KMT5A: variants seen among roughly 807,000 people sequenced by gnomAD.
KMT5A encodes the protein lysine methyltransferase 5A.
In KMT5A, 6 loss-of-function variants were observed where a neutral mutation model predicts 40.6. The ratio of observed to expected loss-of-function variants is 0.15; its 90% CI spans 0.08 to 0.29. KMT5A has a LOEUF of 0.29. Among genes scored for constraint, KMT5A ranks in the 10% least tolerant of loss-of-function variants. The pLI is 1.00. For missense variants in KMT5A, 308 were observed against 459.1 expected (o/e 0.67, Z 3.01); for synonymous variants, 153 against 178.8 (o/e 0.86, Z 1.15).
chr12:123,390,763 C>T lies in KMT5A; in HGVS notation c.266C>T (p.Ala89Val), dbSNP rs1458123662. The T allele has an allele frequency of 6.2e-7, 1 of 1,613,930 alleles. No homozygotes were observed. Among genetic ancestry groups the T allele is most frequent in the Non-Finnish European group, 8.5e-7 (1 of 1,179,836 alleles). ...HEVKCQGKPL[A>V]GIYRKREEKR... is the part of the protein sequence containing the mutation. ...GTCAAATGCCAGGGGAAACCATTAG[C>T]CGGAATCTACAGGAAACGAGAAGGT... The change falls in exon 3 of 8, where the codon GCC becomes GTC. Residue 89 changes from alanine (A) to valine (V), a missense_variant. Transcript: ENST00000402868.
At chr12:123,395,331 C>G in intron 4 of KMT5A, 65 bp downstream of exon 4, 1 of 1,526,198 alleles carries the variant, frequency 6.6e-7, no homozygotes. Context: ...GCCAGGGAAG[C>G]CTGCTCAGGT....
rs1346240078 is a variant in KMT5A, at chr12:123,407,674, A to G, written c.1030A>G (p.Ile344Val). The G allele has an allele frequency of 6.2e-7, 1 of 1,613,592 alleles. No homozygotes were observed. Among genetic ancestry groups the G allele is most frequent in the Admixed American group, 1.7e-5 (1 of 59,942 alleles). Residue 344 changes from isoleucine (I) to valine (V), a missense_variant, in exon 8 of 8, where the codon ATT (isoleucine) becomes GTT (valine). This residue lies in a region of KMT5A where 77 missense variants were observed against 220.0 expected (regional missense o/e 0.35). Transcript: ENST00000402868. ...CTATGGGGACCGCAGCAAGGCTTCC[A>G]TTGAAGCCCACCCGTGGCTGAAGCA... is the stretch of plus-strand genomic sequence containing the variant. Reference protein sequence around the residue: ...YDYGDRSKASIEAHPWLKH With the variant: ...YDYGDRSKASVEAHPWLKH
intron 5 of KMT5A, among the ~76,000 whole-genome samples, chr12:123,400,444 T>A (rs1311738365): frequency 6.8e-6 from 1 of 147,550 alleles, no homozygotes; most frequent in Non-Finnish European, 1.5e-5. Flanking sequence ...CACTGCAACC[T>A]CCACCTCCCA....
rs781216850 is a variant in KMT5A at position 123,403,587 on chromosome 12, A to G, written c.612A>G (p.Lys204=). Residue 204 remains lysine (K), a synonymous_variant, in exon 6 of 8, where the codon AAA becomes AAG. Coordinates refer to ENST00000402868, the MANE Select transcript of KMT5A (RefSeq NM_020382.7). The part of the protein sequence containing the change: ...SKAELQSEER[K]RIDELIESGK... Reference sequence around the variant, plus strand: ...TCTCTGCCCAGTCTGAAGAAAGGAAAAGAATAGATGAATTGATTGAAAGTG... The same window carrying G: ...TCTCTGCCCAGTCTGAAGAAAGGAAGAGAATAGATGAATTGATTGAAAGTG... 1.1e-5 allele frequency: 17 copies of G among 1,614,228 alleles called. No homozygotes were observed. In the South Asian group the frequency reaches 1.9e-4, roughly 18 times the overall value.
chr12:123,394,546 A>C (rs1338403140), intron 3 of KMT5A, among the ~76,000 whole-genome samples: 1 of 152,204 alleles, frequency 6.6e-6, no homozygotes, highest in East Asian at 1.9e-4. Flanking sequence ...CACCATGCTG[A>C]GAACTGCTGT....
chr12:123,402,844 G>C (rs910162037), intron 5 of KMT5A, among the ~76,000 whole-genome samples: 1 of 152,196 alleles, frequency 6.6e-6, no homozygotes, highest in African/African-American at 2.4e-5. Flanking sequence ...TGAGCCATCA[G>C]ACCAGAGCCA....
At chr12:123,403,475 G>A in intron 5 of KMT5A, 98 bp from the exon 6 acceptor site, 1 of 1,342,208 alleles carries the variant, frequency 7.5e-7, no homozygotes. Context: ...TTGTGGCCCG[G>A]TGGGCATGGC....
rs1191191332 is a variant in KMT5A, at chr12:123,395,263, A to G, written c.506A>G (p.Lys169Arg). 20 of 1,612,706 alleles carry G rather than the reference A, an allele frequency of 1.2e-5. No individual in the cohort carries two copies. The highest frequency in any genetic ancestry group is 1.7e-5 in the Non-Finnish European group (20 of 1,179,556). ...ATCAAGGGCAAACAGGCCCCCCGAA[A>G]AAAGTAAGTGCCCCATTCAGTCCTC... is the stretch of plus-strand genomic sequence containing the variant. ...KPIKGKQAPRKKAQGKTQQNR... is the reference protein window; with the variant it reads ...KPIKGKQAPRRKAQGKTQQNR... Residue 169 changes from lysine to arginine, a missense_variant, in exon 4 of 8, where the codon AAA becomes AGA. Around this residue, in one of 4 missense-constraint regions of KMT5A, gnomAD observed 127 missense variants for 129.8 expected, o/e 0.98. Coordinates refer to ENST00000402868, the MANE Select transcript of KMT5A (RefSeq NM_020382.7).
intron 5 of KMT5A, among the ~76,000 whole-genome samples, chr12:123,401,862 G>A (rs928446085): frequency 2.0e-5 from 3 of 152,062 alleles, no homozygotes; most frequent in Admixed American, 1.3e-4. Context: ...GATGACAGAC[G>A]TGAGCCACCA....
intron 7 of KMT5A, 126 bp downstream of exon 7, chr12:123,405,200 T>A (rs974436533): frequency 9.7e-7 from 1 of 1,026,364 alleles, no homozygotes; most frequent in Non-Finnish European, 1.4e-6. Flanking sequence ...GACTTTTTTT[T>A]TTTTATTTTT....
rs35093204 is a variant in KMT5A, at chr12:123,405,517, CTTTTTTTTTTTTT to C, written c.848+457_848+469del. Among the ~76,000 whole-genome samples the C allele has an allele frequency of 6.8e-3, 531 of 78,056 alleles. 10 individuals carry two copies. Among genetic ancestry groups the C allele is most frequent in the Middle Eastern group, 0.018 (2 of 110 alleles). The allele number at this position is 78,056 out of a possible 152,430, so 51.2% of individuals were successfully genotyped here. A position where few individuals can be genotyped will look rare whatever the true frequency, so the allele number is the denominator to read the frequency against. On this transcript the variant is annotated intron_variant, in intron 7 of 7. Transcript: ENST00000402868. ...CTGTGATGCAATTATCGCCTGCTTC[CTTTTTTTTTTTTT>C]TTTTTTTTTTTTTGAATCTCGATCT...
In KMT5A at chr12:123,389,520, AGC is replaced by A; in HGVS notation, c.100_101del (p.Arg34GlufsTer99). ...ACGGCCCCGGGCCCGGAGATGGTGG[AGC>A]GGAGGGGCCCGGGGAGGCCCCGCAC... On this transcript the variant is annotated frameshift_variant, in exon 2 of 8. Coordinates refer to ENST00000402868, the MANE Select transcript of KMT5A (RefSeq NM_020382.7). LOFTEE classifies it high-confidence loss of function. The A allele has an allele frequency of 9.0e-7, 1 of 1,115,778 alleles. No individual in the cohort carries two copies. The highest frequency in any genetic ancestry group is 1.1e-6 in the Non-Finnish European group (1 of 918,722). The allele number at this position is 1,115,778 out of a possible 1,614,324, so 69.1% of individuals were successfully genotyped here. A position where few individuals can be genotyped will look rare whatever the true frequency, so the allele number is the denominator to read the frequency against.
intron 5 of KMT5A, among the ~76,000 whole-genome samples, chr12:123,398,833 C>G (rs1877940116): frequency 6.6e-6 from 1 of 152,238 alleles, no homozygotes; most frequent in South Asian, 2.1e-4. Flanking sequence ...CATGCTGGGC[C>G]CAGGCTGTGG....
In KMT5A at chr12:123,390,826, C is replaced by T. The variant is rs201980614; in HGVS notation, c.289+40C>T. The stretch of plus-strand genomic sequence containing the variant: ...TGGCCTCGTTCTGATCCCAGCTGGT[C>T]GGGTTGCAGAAGCCTCTGTCCTCTG... On this transcript the variant is annotated intron_variant, in intron 3 of 7. Transcript: ENST00000402868. 1.2e-4 allele frequency: 187 copies of T among 1,606,028 alleles called. 1 individual carries two copies. In the African/African-American group the frequency reaches 2.0e-3, roughly 17 times the overall value.
intron 2 of KMT5A, chr12:123,390,257 T>TC: frequency 2.4e-6 from 1 of 411,366 alleles, no homozygotes; most frequent in Non-Finnish European, 4.8e-6. Flanking sequence ...CTGTGCTGAG[T>TC]CCCTGCGGCT....
chr12:123,403,816 G>A (rs1460536000), intron 6 of KMT5A, among the ~76,000 whole-genome samples, 184 bp downstream of exon 6: 6 of 152,200 alleles, frequency 3.9e-5, no homozygotes, highest in African/African-American at 1.4e-4. Flanking sequence ...TCTTATGAAG[G>A]AAACATAAAT....
intron 1 of KMT5A, among the ~76,000 whole-genome samples, chr12:123,388,257 G>C (rs1158859111): frequency 6.6e-6 from 1 of 152,234 alleles, no homozygotes; most frequent in Non-Finnish European, 1.5e-5. Context: ...CCTGGGGTCA[G>C]TTGGCTGGGG....
rs374294423 is a variant in KMT5A, at chr12:123,405,029, C to T, written c.803C>T (p.Thr268Met). 4 of 1,613,972 alleles carry T rather than the reference C, an allele frequency of 2.5e-6. No individual in the cohort carries two copies. The highest frequency in any genetic ancestry group is 3.4e-6 in the Non-Finnish European group (4 of 1,180,006). Residue 268 changes from threonine (T) to methionine (M), a missense_variant, in exon 7 of 8, where the codon ACG (threonine) becomes ATG (methionine). Thr to Met is a moderately conservative substitution (Grantham distance 81, BLOSUM62 -1). This residue lies in a region of KMT5A where 77 missense variants were observed against 220.0 expected (regional missense o/e 0.35). Coordinates refer to ENST00000402868, the MANE Select transcript of KMT5A (RefSeq NM_020382.7). ...GCTCTGTACGCACAGGACCCTTCCA[C>T]GGGCTGCTACATGTACTATTTTCAG... ...REALYAQDPSTGCYMYYFQYL... is the reference protein window; with the variant it reads ...REALYAQDPSMGCYMYYFQYL...
Position 123,400,442 on chromosome 12 carries a change from C to G in KMT5A, c.598-3131C>G, listed in dbSNP as rs543412395. ...GGTGTGCGATCTCGGCTCACTGCAA[C>G]CTCCACCTCCCAGGTTCAAGCAATT... is the stretch of plus-strand genomic sequence containing the variant. On this transcript the variant is annotated intron_variant, in intron 5 of 7. Coordinates refer to ENST00000402868, the MANE Select transcript of KMT5A (RefSeq NM_020382.7). Among the ~76,000 whole-genome samples, 123 of 150,358 alleles carry G rather than the reference C, an allele frequency of 8.2e-4. 2 individuals are homozygous for G. In the South Asian group the frequency reaches 0.025, roughly 31 times the overall value.
Sources: allele counts gnomAD v4.1 joint callset (sites outside exome capture counted in the v4.1 genomes callset), GRCh38; gene constraint gnomAD v4.1.1; regional missense constraint gnomAD v4.1.1; transcripts MANE v1.5; gene names NCBI Gene and HGNC (gene_info 2026-07-23, HGNC 2026-07-21).